The following INPP4B variants were observed in gnomAD, a reference collection of about 807,000 sequenced individuals.
INPP4B encodes the protein inositol polyphosphate 4-phosphatase type II.
Under a neutral mutation model 122.5 loss-of-function variants are expected in INPP4B, and 55 were observed. The ratio of observed to expected loss-of-function variants is 0.45; its 90% CI spans 0.36 to 0.56. The LOEUF (loss-of-function observed/expected upper bound fraction) is 0.56, where lower values mean the gene tolerates loss of function less well. INPP4B is among the 20% of genes least tolerant of loss of function. The probability of loss-of-function intolerance (pLI) is 0.00; values close to 1 mark genes in which losing one functional copy is unlikely to be tolerated. For synonymous variants in INPP4B, 403 were observed against 388.7 expected (o/e 1.04, Z -0.43); for missense variants, 1,000 against 1,097.7 (o/e 0.91, Z 1.26).
intron 25 of INPP4B, among the ~76,000 whole-genome samples, chr4:142,080,905 T>C (rs1296225375): frequency 1.3e-5 from 2 of 152,200 alleles, no homozygotes; most frequent in African/African-American, 4.8e-5. Context: ...TGCTGAGATA[T>C]TATTTTTTGA....
intron 12 of INPP4B, among the ~76,000 whole-genome samples, chr4:142,212,162 G>A (rs1845186251): frequency 1.3e-5 from 2 of 152,050 alleles, no homozygotes; most frequent in African/African-American, 2.4e-5. Context: ...TAACCCGATA[G>A]CATACAAAAC....
chr4:142,184,673 T>C (rs1832395656), intron 15 of INPP4B, among the ~76,000 whole-genome samples: 1 of 152,160 alleles, frequency 6.6e-6, no homozygotes, highest in Non-Finnish European at 1.5e-5. Context: ...GCACATACAG[T>C]CTAGAGGGAT....
chr4:142,239,600 T>C (rs1279867595), intron 11 of INPP4B, among the ~76,000 whole-genome samples: 1 of 152,138 alleles, frequency 6.6e-6, no homozygotes, highest in Non-Finnish European at 1.5e-5. Flanking sequence ...AGTGACAGTG[T>C]TTCAAAGATA....
chr4:142,414,477 T>C (rs1805272693), intron 5 of INPP4B, among the ~76,000 whole-genome samples: 1 of 152,182 alleles, frequency 6.6e-6, no homozygotes, highest in Admixed American at 6.5e-5. Context: ...GAAATGCTCT[T>C]GGATTGTCTG....
At chr4:142,572,729 AC>A (rs1733092421) in intron 2 of INPP4B, among the ~76,000 whole-genome samples, 1 of 151,966 alleles carries the variant, frequency 6.6e-6, no homozygotes, top group South Asian at 2.1e-4. Flanking sequence ...CACTCTCAGT[AC>A]CCCTCTTTAA....
chr4:142,709,498 C>T (rs1762855903), intron 2 of INPP4B, among the ~76,000 whole-genome samples: 1 of 152,102 alleles, frequency 6.6e-6, no homozygotes, highest in African/African-American at 2.4e-5. Flanking sequence ...ATCATGGGGG[C>T]AGACTTCCCC....
chr4:142,751,415 T>C (rs1016775139), intron 1 of INPP4B, among the ~76,000 whole-genome samples: 1 of 151,768 alleles, frequency 6.6e-6, no homozygotes, highest in Admixed American at 6.6e-5. Context: ...CAATACAAAA[T>C]GGGTTTAAAC....
At chr4:142,039,978 G>A (rs1283848710) in intron 25 of INPP4B, among the ~76,000 whole-genome samples, 1 of 151,918 alleles carries the variant, frequency 6.6e-6, no homozygotes, top group African/African-American at 2.4e-5. Context: ...ATAGCTGCCT[G>A]AACTAAATTA....
intron 1 of INPP4B, among the ~76,000 whole-genome samples, chr4:142,733,607 T>TA (rs915994749): frequency 1.9e-4 from 29 of 151,130 alleles, no homozygotes; most frequent in African/African-American, 5.3e-4. Flanking sequence ...GAGGCTGAAT[T>TA]AAAAAAAAAG....
At chr4:142,584,692 C>T (rs957866701) in intron 2 of INPP4B, among the ~76,000 whole-genome samples, 1 of 151,994 alleles carries the variant, frequency 6.6e-6, no homozygotes, top group Admixed American at 6.6e-5. Flanking sequence ...GGATAAGGCA[C>T]TTTTTGTCTG....
chr4:142,588,724 C>T (rs553725829), intron 2 of INPP4B, among the ~76,000 whole-genome samples: 1 of 151,730 alleles, frequency 6.6e-6, no homozygotes, highest in East Asian at 1.9e-4. Context: ...ATCCCATGCT[C>T]ATAGATTGAA....
intron 12 of INPP4B, among the ~76,000 whole-genome samples, chr4:142,220,221 C>T (rs1308885007): frequency 6.6e-6 from 1 of 152,042 alleles, no homozygotes; most frequent in East Asian, 1.9e-4. Flanking sequence ...TACAGTTTCT[C>T]CTATGAAAGT....
chr4:142,313,677 A>C (rs1766399782), intron 8 of INPP4B, among the ~76,000 whole-genome samples: 1 of 152,202 alleles, frequency 6.6e-6, no homozygotes, highest in Non-Finnish European at 1.5e-5. Context: ...TTGGTAGTAG[A>C]AGTGAATGGC....
chr4:142,499,812 T>G (rs942758055), intron 2 of INPP4B, among the ~76,000 whole-genome samples: 4 of 152,122 alleles, frequency 2.6e-5, no homozygotes, highest in Non-Finnish European at 5.9e-5. Flanking sequence ...GTTAAGAAAT[T>G]ATTTAAAACC....
chr4:142,600,581 A>T (rs796194364), intron 2 of INPP4B, among the ~76,000 whole-genome samples: 6 of 152,294 alleles, frequency 3.9e-5, no homozygotes, highest in African/African-American at 1.4e-4. Flanking sequence ...GACTCAAATG[A>T]TAGTTACTAC....
At position 142,625,272 on chromosome 4, in the gene INPP4B, A is replaced by G. The variant is rs554276312; in HGVS notation, c.-191+100567T>C. 8.0e-3 allele frequency among the ~76,000 whole-genome samples: 1,213 copies of G among 152,204 alleles called. 12 individuals are homozygous for G. The highest frequency in any genetic ancestry group is 0.026 in the African/African-American group (1,069 of 41,554). On this transcript the variant is annotated intron_variant, in intron 2 of 25. Coordinates refer to ENST00000262992, the MANE Select transcript of INPP4B (RefSeq NM_001101669.3). Reference sequence around the variant, plus strand: ...CAAAATCTCCTTAAGCTGATAAGCAACTTCAGCAAAGTCTCAGGATAAAAA... The same window carrying G: ...CAAAATCTCCTTAAGCTGATAAGCAGCTTCAGCAAAGTCTCAGGATAAAAA...
At chr4:142,688,260 A>C (rs948895300) in intron 2 of INPP4B, among the ~76,000 whole-genome samples, 1 of 152,148 alleles carries the variant, frequency 6.6e-6, no homozygotes, top group Non-Finnish European at 1.5e-5. Context: ...ATTTTCACAC[A>C]CAAAGAGAAT....
chr4:142,088,454 G>A (rs1024347234), intron 23 of INPP4B, among the ~76,000 whole-genome samples: 6 of 152,188 alleles, frequency 3.9e-5, no homozygotes, highest in African/African-American at 1.4e-4. Context: ...TTGCTGAAAA[G>A]AAGAATTGGC....
At chr4:142,218,872 T>A (rs949362836) in intron 12 of INPP4B, among the ~76,000 whole-genome samples, 1 of 152,124 alleles carries the variant, frequency 6.6e-6, no homozygotes, top group Non-Finnish European at 1.5e-5. Context: ...ATAGACTACA[T>A]AAATGACTGG....
Sources: gnomAD v4.1 joint callset for allele counts (sites outside exome capture counted in the v4.1 genomes callset) on GRCh38, gnomAD v4.1.1 for gene constraint, MANE v1.5 for transcripts, NCBI Gene and HGNC (gene_info 2026-07-23, HGNC 2026-07-21) for gene names.